Variants in TBCD observed in about 807,000 individuals in gnomAD.
TBCD encodes the protein tubulin folding cofactor D.
Under a neutral mutation model 169.3 loss-of-function variants are expected in TBCD, and 105 were observed. That is an observed-to-expected ratio of 0.62 (90% CI 0.53 to 0.73). TBCD has a LOEUF of 0.73. Ranked by LOEUF, TBCD falls within the 30% of genes least tolerant of loss-of-function variation. TBCD has a pLI of 0.00. For missense variants in TBCD, 1,444 were observed against 1,600.1 expected, an observed-to-expected ratio of 0.90 and a Z score of 1.66; for synonymous variants, 700 against 643.9, an observed-to-expected ratio of 1.09 and a Z score of -1.32.
At position 82,782,838 on chromosome 17, in the gene TBCD, C is replaced by T; in HGVS notation, c.771+1117C>T. On this transcript the variant is annotated intron_variant, in intron 7 of 38. Coordinates refer to ENST00000355528, the MANE Select transcript of TBCD (RefSeq NM_005993.5). This position sits in a 1 kb window ranked among gnomAD's most constrained non-coding sequence, Gnocchi z 5.1. ...GGCGTCGTCCTGTCTGCGGTGGCGT[C>T]CTCCTGTCCGCAGAGGCGTCCTCAT... 6.6e-6 allele frequency among the ~76,000 whole-genome samples: 1 copy of T among 151,680 alleles called. No homozygotes were observed. Among genetic ancestry groups the T allele is most frequent in the African/African-American group, 2.4e-5 (1 of 41,256 alleles).
intron 1 of TBCD, among the ~76,000 whole-genome samples, chr17:82,752,632 A>G (rs902767378): frequency 5.9e-5 from 9 of 152,036 alleles, no homozygotes; most frequent in Admixed American, 3.9e-4. Flanking sequence ...CTGCTCTCGC[A>G]CGGGGTGAAG....
chr17:82,919,738 A>C (rs1312238280), intron 23 of TBCD, among the ~76,000 whole-genome samples: 1 of 152,024 alleles, frequency 6.6e-6, no homozygotes, highest in Non-Finnish European at 1.5e-5. Context: ...GTGGAACAGG[A>C]GTTGTCTGGT....
intron 4 of TBCD, among the ~76,000 whole-genome samples, chr17:82,767,340 C>A (rs1385141217): frequency 1.3e-5 from 2 of 152,156 alleles, no homozygotes; most frequent in African/African-American, 2.4e-5. Flanking sequence ...ACTTCTAGCG[C>A]CCCCCAGTGG....
intron 13 of TBCD, among the ~76,000 whole-genome samples, chr17:82,838,476 G>A (rs2054174770): frequency 6.6e-6 from 1 of 152,190 alleles, no homozygotes; most frequent in Admixed American, 6.5e-5. Context: ...TCCTTTTGGT[G>A]GTGTCCAGCT....
At chr17:82,787,589 G>A (rs950011614) in intron 7 of TBCD, among the ~76,000 whole-genome samples, 42 of 152,218 alleles carry the variant, frequency 2.8e-4, no homozygotes, top group East Asian at 1.9e-4. Context: ...GGCAGAGGCC[G>A]GGCGCCTGCT....
rs999026753 is a variant in TBCD, at chr17:82,903,733, C to T, written c.1804+255C>T. On this transcript the variant is annotated intron_variant, in intron 19 of 38. Transcript: ENST00000355528. The surrounding 1 kb of genome is among the most constrained non-coding windows in gnomAD (Gnocchi z 4.8). ...AGCCCGTGATGGTCCCGCCGGATGC[C>T]TGACATGCAGTGCTGCTTCCCTGGT... Among the ~76,000 whole-genome samples the T allele has an allele frequency of 2.6e-5, 4 of 152,188 alleles. No homozygotes were observed. Among genetic ancestry groups the T allele is most frequent in the Non-Finnish European group, 5.9e-5 (4 of 68,030 alleles).
intron 13 of TBCD, among the ~76,000 whole-genome samples, chr17:82,856,293 G>A (rs12600507): frequency 0.61 from 92,644 of 151,624 alleles, 28,347 homozygotes; most frequent in East Asian, 0.71. Flanking sequence ...AAAAGAATAT[G>A]CTGAGAAAAC....
intron 13 of TBCD, among the ~76,000 whole-genome samples, chr17:82,834,211 G>A (rs2053770668): frequency 1.3e-5 from 2 of 152,172 alleles, no homozygotes; most frequent in Admixed American, 1.3e-4. Flanking sequence ...GCCTCCCAAA[G>A]TGCTGGGATT....
At chr17:82,886,582 G>C (rs2058718394) in intron 15 of TBCD, among the ~76,000 whole-genome samples, 1 of 140,756 alleles carries the variant, frequency 7.1e-6, no homozygotes, top group South Asian at 2.4e-4. Context: ...CATAGTGTCT[G>C]ACCTCTATTT....
At chr17:82,927,762 G>A (rs945839995) in intron 29 of TBCD, 143 bp from the exon 30 acceptor site, 79 of 697,828 alleles carry the variant, frequency 1.1e-4, no homozygotes, top group Middle Eastern at 8.7e-4. Context: ...TGCAGGCCCC[G>A]TGACTCCCTG....
intron 13 of TBCD, among the ~76,000 whole-genome samples, chr17:82,859,416 C>A (rs548385845): frequency 8.8e-5 from 12 of 137,002 alleles, no homozygotes; most frequent in African/African-American, 3.1e-4. Flanking sequence ...GTGTCCTCCC[C>A]GCACTGGCTT....
chr17:82,786,623 C>T (rs1023962731), intron 7 of TBCD, among the ~76,000 whole-genome samples: 4 of 152,114 alleles, frequency 2.6e-5, no homozygotes, highest in Non-Finnish European at 5.9e-5. Context: ...GCAGGTGAGG[C>T]GTGCCACCTT....
intron 4 of TBCD, 21 bp downstream of exon 4, chr17:82,766,389 C>A (rs77427947): frequency 3.2e-6 from 5 of 1,585,294 alleles, no homozygotes; most frequent in Non-Finnish European, 4.3e-6. Flanking sequence ...CTGCCTCCCC[C>A]CTCGTCTCCA....
chr17:82,925,361 C>A (rs2061656900), intron 27 of TBCD, among the ~76,000 whole-genome samples: 1 of 152,176 alleles, frequency 6.6e-6, no homozygotes, highest in African/African-American at 2.4e-5. Flanking sequence ...AACACAGTTG[C>A]CTTTGTGCGT....
chr17:82,817,469 G>A (rs2052019167), intron 13 of TBCD, among the ~76,000 whole-genome samples: 1 of 152,088 alleles, frequency 6.6e-6, no homozygotes, highest in South Asian at 2.1e-4. Context: ...GCTAATTTTT[G>A]TATTTTTTAT....
chr17:82,812,317 C>G (rs2051503227), intron 12 of TBCD, among the ~76,000 whole-genome samples: 1 of 152,198 alleles, frequency 6.6e-6, no homozygotes, highest in South Asian at 2.1e-4. Flanking sequence ...CTGTGCCTCC[C>G]CCTCGCCCGC....
intron 37 of TBCD, among the ~76,000 whole-genome samples, chr17:82,940,934 C>A (rs1254718908): frequency 6.6e-6 from 1 of 151,984 alleles, no homozygotes; most frequent in Non-Finnish European, 1.5e-5. Context: ...GGGGGCTTCT[C>A]CTATCGTTTA....
At chr17:82,929,981 T>G (rs2062062377) in intron 32 of TBCD, 1 of 294,842 alleles carries the variant, frequency 3.4e-6, no homozygotes. Flanking sequence ...CCCTGCACCT[T>G]GGGTCATGAC....
intron 36 of TBCD, 42 bp from the exon 37 acceptor site, chr17:82,939,325 G>A: frequency 6.5e-7 from 1 of 1,527,810 alleles, no homozygotes. Flanking sequence ...GGGTGGGGCG[G>A]TGGCGCTTCC....
Sources: gnomAD v4.1 joint callset for allele counts (sites outside exome capture counted in the v4.1 genomes callset) on GRCh38, gnomAD v4.1.1 for gene constraint, Gnocchi (gnomAD v3.1) non-coding constraint, MANE v1.5 for transcripts, NCBI Gene and HGNC (gene_info 2026-07-23, HGNC 2026-07-21) for gene names.